Variants in DLGAP2 observed in about 807,000 individuals in gnomAD.
The protein encoded by DLGAP2 is DLG associated protein 2.
DLGAP2 carries 26 observed loss-of-function variants against 100.3 expected under a neutral mutation model. The ratio of observed to expected loss-of-function variants is 0.26; its 90% confidence interval spans 0.19 to 0.36. The LOEUF (loss-of-function observed/expected upper bound fraction) is 0.36, where lower values mean the gene tolerates loss of function less well. DLGAP2 is among the 10% of genes least tolerant of loss of function. DLGAP2 has a pLI of 1.00. For missense variants in DLGAP2, 1,858 were observed against 1,453.2 expected (o/e 1.28, Z -4.53); for synonymous variants, 886 against 630.1 (o/e 1.41, Z -6.08).
chr8:1,037,428 C>G (rs1802164331), intron 2 of DLGAP2, among the ~76,000 whole-genome samples: 1 of 152,166 alleles, frequency 6.6e-6, no homozygotes, highest in African/African-American at 2.4e-5. Flanking sequence ...GGGCCTCTCT[C>G]CACAGCTCCT....
chr8:1,454,578 A>G (rs1328290547), intron 3 of DLGAP2, among the ~76,000 whole-genome samples: 25 of 152,192 alleles, frequency 1.6e-4, no homozygotes, highest in Admixed American at 1.6e-3. Context: ...GTTCATTGCA[A>G]GGAAAGCCAA....
intron 2 of DLGAP2, among the ~76,000 whole-genome samples, chr8:1,089,173 C>G (rs1804088567): frequency 6.6e-6 from 1 of 152,140 alleles, no homozygotes; most frequent in South Asian, 2.1e-4. Flanking sequence ...GCCTCACTCT[C>G]TCCACCCCTC....
intron 2 of DLGAP2, among the ~76,000 whole-genome samples, chr8:1,071,070 G>C (rs987394314): frequency 6.6e-6 from 1 of 152,178 alleles, no homozygotes; most frequent in South Asian, 2.1e-4. Flanking sequence ...TGTTTCGGGG[G>C]CGACCCGGGC....
At chr8:1,615,659 T>C (rs528097542) in intron 6 of DLGAP2, among the ~76,000 whole-genome samples, 2 of 150,268 alleles carry the variant, frequency 1.3e-5, no homozygotes, top group South Asian at 2.1e-4. Flanking sequence ...TTATGAATGA[T>C]ATAAAAATGT....
chr8:1,319,880 A>G (rs988701398), intron 3 of DLGAP2, among the ~76,000 whole-genome samples: 3 of 152,192 alleles, frequency 2.0e-5, no homozygotes, highest in Admixed American at 6.5e-5. Context: ...ACCACAGGAG[A>G]CAAAGGCAGA....
chr8:1,357,675 T>A lies in DLGAP2; in HGVS notation c.106+98792T>A, dbSNP rs192746414. On this transcript the variant is annotated intron_variant, in intron 3 of 14. Transcript: ENST00000637795. Reference sequence around the variant, plus strand: ...AATAAACCTTTTTGTCTCTGACGGATTTTAAGTCTCATAACATGAGACGTC... The same window carrying A: ...AATAAACCTTTTTGTCTCTGACGGAATTTAAGTCTCATAACATGAGACGTC... Among the ~76,000 whole-genome samples, 153 of 152,282 alleles carry A rather than the reference T, an allele frequency of 1.0e-3. 2 individuals are homozygous for A. Among genetic ancestry groups the A allele is most frequent in the African/African-American group, 3.5e-3 (147 of 41,558 alleles).
chr8:1,272,742 C>G lies in DLGAP2; in HGVS notation c.106+13859C>G, dbSNP rs1456459020. Among the ~76,000 whole-genome samples, 3 of 152,030 alleles carry G rather than the reference C, an allele frequency of 2.0e-5. No homozygotes were observed. The East Asian group carries it at 5.8e-4, about 29-fold the overall frequency. On this transcript the variant is annotated intron_variant, in intron 3 of 14. Coordinates refer to ENST00000637795, the MANE Select transcript of DLGAP2 (RefSeq NM_001346810.2). Reference sequence around the variant, plus strand: ...TGTCAAGGTTTCAGGGTCTGTAGGACTCGGACCACGGGTGACTCTTCCCAT... The same window carrying G: ...TGTCAAGGTTTCAGGGTCTGTAGGAGTCGGACCACGGGTGACTCTTCCCAT...
chr8:1,236,410 A>C (rs1309994557), intron 2 of DLGAP2, among the ~76,000 whole-genome samples: 1 of 10,206 alleles, frequency 9.8e-5, no homozygotes, highest in African/African-American at 4.6e-4. Context: ...TAGTTCTCTC[A>C]CATGGCGCCA....
intron 7 of DLGAP2, among the ~76,000 whole-genome samples, chr8:1,629,145 T>C (rs1039729360): frequency 2.0e-5 from 3 of 152,190 alleles, no homozygotes; most frequent in South Asian, 4.1e-4. Flanking sequence ...CCTCATGAGG[T>C]AGAGTCTATT....
At chr8:1,527,300 G>A (rs993894814) in intron 4 of DLGAP2, among the ~76,000 whole-genome samples, 4 of 152,208 alleles carry the variant, frequency 2.6e-5, no homozygotes, top group Non-Finnish European at 4.4e-5. Flanking sequence ...CCATCCACCC[G>A]GCTCCAGCCA....
chr8:1,575,360 G>A (rs554576917), intron 6 of DLGAP2, among the ~76,000 whole-genome samples: 21 of 152,130 alleles, frequency 1.4e-4, no homozygotes, highest in Admixed American at 2.0e-4. Flanking sequence ...ACTCACAGGT[G>A]CAGACAGTGG....
At chr8:744,348 T>G (rs1186471448) in intron 1 of DLGAP2, among the ~76,000 whole-genome samples, 1 of 152,174 alleles carries the variant, frequency 6.6e-6, no homozygotes, top group African/African-American at 2.4e-5. Flanking sequence ...AGCCACTCTG[T>G]GAGGAAGGGT....
At chr8:1,256,883 C>T (rs1799234316) in intron 2 of DLGAP2, among the ~76,000 whole-genome samples, 1 of 152,182 alleles carries the variant, frequency 6.6e-6, no homozygotes, top group South Asian at 2.1e-4. Context: ...CGCCTCCCTC[C>T]ACAGGCCTTG....
intron 3 of DLGAP2, among the ~76,000 whole-genome samples, chr8:1,261,143 G>T (rs529797914): frequency 2.6e-5 from 4 of 152,008 alleles, no homozygotes; most frequent in Non-Finnish European, 5.9e-5. Context: ...GACTGGGAGG[G>T]CAGGTCAGCT....
At chr8:1,488,732 G>T (rs1799293383) in intron 3 of DLGAP2, among the ~76,000 whole-genome samples, 3 of 152,168 alleles carry the variant, frequency 2.0e-5, no homozygotes, top group African/African-American at 2.4e-5. Context: ...TCCTCTGCAC[G>T]ATGGGCATGA....
rs184209145 is a variant in DLGAP2 at position 1,227,157 on chromosome 8, T to G, written c.74-31694T>G. ...GAATGGGTAAGGAAACTGTGAGATATATATATATATATATATAGTATAGAT... is the reference window on the plus strand; with the variant it reads ...GAATGGGTAAGGAAACTGTGAGATAGATATATATATATATATAGTATAGAT... On this transcript the variant is annotated intron_variant, in intron 2 of 14. Transcript: ENST00000637795. Among the ~76,000 whole-genome samples the G allele has an allele frequency of 7.8e-4, 96 of 123,006 alleles. 1 individual carries two copies. The highest frequency in any genetic ancestry group is 2.4e-3 in the East Asian group (9 of 3,776). The allele number at this position is 123,006 out of a possible 152,430, so 80.7% of individuals were successfully genotyped here.
chr8:1,458,655 C>T (rs755172007), intron 3 of DLGAP2, among the ~76,000 whole-genome samples: 4 of 152,200 alleles, frequency 2.6e-5, no homozygotes, highest in Non-Finnish European at 5.9e-5. Flanking sequence ...CAGCACAGAC[C>T]TGCGTGTGGC....
intron 2 of DLGAP2, among the ~76,000 whole-genome samples, chr8:1,195,330 C>G (rs1013842457): frequency 2.0e-5 from 3 of 152,242 alleles, no homozygotes; most frequent in African/African-American, 7.2e-5. Flanking sequence ...TCAGGGCTGT[C>G]TACCAGGCAT....
intron 1 of DLGAP2, among the ~76,000 whole-genome samples, chr8:808,708 G>C (rs1296938975): frequency 6.6e-6 from 1 of 152,156 alleles, no homozygotes; most frequent in African/African-American, 2.4e-5. Context: ...CAGGAGTGTG[G>C]GCCATCTCAG....
Sources: gnomAD v4.1 joint callset for allele counts (sites outside exome capture counted in the v4.1 genomes callset) on GRCh38, gnomAD v4.1.1 for gene constraint, MANE v1.5 for transcripts, NCBI Gene and HGNC (gene_info 2026-07-23, HGNC 2026-07-21) for gene names.